Variants in CDH13 observed in about 807,000 individuals in gnomAD.
CDH13 encodes the protein cadherin 13.
A neutral mutation model predicts 63.8 loss-of-function variants in CDH13; 24 were observed. That is an observed-to-expected ratio of 0.38 (90% CI 0.27 to 0.53). The LOEUF is 0.53. CDH13 is among the 20% of genes least tolerant of loss of function. The probability of loss-of-function intolerance (pLI) is 0.85; values close to 1 mark genes in which losing one functional copy is unlikely to be tolerated. For synonymous variants in CDH13, 503 were observed against 355.3 expected (o/e 1.42, Z -4.67); for missense variants, 1,049 against 903.1 (o/e 1.16, Z -2.07).
chr16:82,821,575 G>C (rs1287148463), intron 1 of CDH13, among the ~76,000 whole-genome samples: 1 of 152,208 alleles, frequency 6.6e-6, no homozygotes, highest in African/African-American at 2.4e-5. Context: ...AAGTGGCACA[G>C]ACAGTCATGG....
At chr16:83,360,923 A>C (rs1265465926) in intron 6 of CDH13, among the ~76,000 whole-genome samples, 2 of 152,234 alleles carry the variant, frequency 1.3e-5, no homozygotes, top group African/African-American at 4.8e-5. Flanking sequence ...ATATGAGTGC[A>C]TGTGTCTTTT....
At chr16:83,006,043 T>A (rs1597393922) in intron 2 of CDH13, among the ~76,000 whole-genome samples, 2 of 152,208 alleles carry the variant, frequency 1.3e-5, no homozygotes, top group Non-Finnish European at 2.9e-5. Flanking sequence ...AGATTCACCA[T>A]TACATTTCAT....
chr16:82,936,806 G>C (rs1331383205), intron 2 of CDH13, among the ~76,000 whole-genome samples: 1 of 149,436 alleles, frequency 6.7e-6, no homozygotes, highest in African/African-American at 2.6e-5. Context: ...TCTTGTGTGC[G>C]TTTAGGGAAA....
intron 6 of CDH13, among the ~76,000 whole-genome samples, chr16:83,384,650 A>G (rs1210209444): frequency 2.0e-5 from 3 of 152,222 alleles, no homozygotes; most frequent in Non-Finnish European, 4.4e-5. Flanking sequence ...GCAGCATGGG[A>G]TCCGAGGGTA....
chr16:83,101,602 T>C (rs954030999), intron 3 of CDH13, among the ~76,000 whole-genome samples: 1 of 152,174 alleles, frequency 6.6e-6, no homozygotes, highest in East Asian at 1.9e-4. Flanking sequence ...GAGACCAGCC[T>C]GGCTAACATG....
chr16:83,759,355 G>A (rs1365530545), intron 11 of CDH13, among the ~76,000 whole-genome samples: 1 of 152,096 alleles, frequency 6.6e-6, no homozygotes, highest in Admixed American at 6.5e-5. Context: ...TTTTTAAAAT[G>A]CATCCTGACC....
intron 6 of CDH13, among the ~76,000 whole-genome samples, chr16:83,422,219 A>G (rs2071736283): frequency 6.6e-6 from 1 of 152,214 alleles, no homozygotes; most frequent in Non-Finnish European, 1.5e-5. Flanking sequence ...CGTAAGTTGT[A>G]CTGTATAAAA....
chr16:83,362,187 G>A (rs1005098409), intron 6 of CDH13, among the ~76,000 whole-genome samples: 31 of 152,088 alleles, frequency 2.0e-4, no homozygotes, highest in African/African-American at 7.5e-4. Flanking sequence ...AGGCTTTCAG[G>A]AGCCCACCAG....
chr16:82,668,525 T>C (rs943570100), intron 1 of CDH13, among the ~76,000 whole-genome samples: 1 of 152,168 alleles, frequency 6.6e-6, no homozygotes, highest in Admixed American at 6.5e-5. Context: ...TTTTTTGTTG[T>C]TGTTGTTTCT....
chr16:83,555,321 C>T (rs1036082045), intron 7 of CDH13, among the ~76,000 whole-genome samples: 2 of 152,174 alleles, frequency 1.3e-5, no homozygotes, highest in African/African-American at 4.8e-5. Context: ...ATTGAAAACA[C>T]CTGGAAGATT....
intron 2 of CDH13, among the ~76,000 whole-genome samples, chr16:82,958,301 G>A (rs566895110): frequency 1.3e-5 from 2 of 152,138 alleles, no homozygotes; most frequent in Middle Eastern, 3.2e-3. Flanking sequence ...CTGATATATC[G>A]TTCATGCTTG....
intron 6 of CDH13, among the ~76,000 whole-genome samples, chr16:83,356,254 G>GTA (rs1567613839): frequency 1.4e-4 from 21 of 149,360 alleles, no homozygotes; most frequent in African/African-American, 5.3e-4. Context: ...GTGTGTGTGT[G>GTA]TGTGTGTGTG....
intron 6 of CDH13, among the ~76,000 whole-genome samples, chr16:83,346,425 C>T (rs1026885411): frequency 1.3e-5 from 2 of 152,108 alleles, no homozygotes; most frequent in Non-Finnish European, 1.5e-5. Flanking sequence ...ATGAGGAAAG[C>T]GATTAAAGAG....
chr16:83,507,860 C>T (rs529617971), intron 7 of CDH13, among the ~76,000 whole-genome samples: 16 of 151,080 alleles, frequency 1.1e-4, no homozygotes, highest in African/African-American at 3.9e-4. Flanking sequence ...TAGTAAAACC[C>T]GTCTCTACTA....
At chr16:82,686,704 T>G (rs1279454345) in intron 1 of CDH13, among the ~76,000 whole-genome samples, 1 of 152,246 alleles carries the variant, frequency 6.6e-6, no homozygotes, top group Non-Finnish European at 1.5e-5. Context: ...CCTTTCTTCC[T>G]TCCGTTGACA....
intron 2 of CDH13, chr16:82,953,989 C>G (rs1268232283): frequency 1.3e-5 from 2 of 152,178 alleles, no homozygotes; most frequent in African/African-American, 2.4e-5. Context: ...TCAGGTTGGT[C>G]TCCTTCAGAA....
chr16:83,337,929 A>C (rs1387651567), intron 5 of CDH13, among the ~76,000 whole-genome samples: 1 of 152,054 alleles, frequency 6.6e-6, no homozygotes, highest in East Asian at 1.9e-4. Context: ...AAAGATAATG[A>C]AACAAAAAAA....
At chr16:83,093,091 C>T (rs565391895) in intron 3 of CDH13, among the ~76,000 whole-genome samples, 8 of 152,198 alleles carry the variant, frequency 5.3e-5, no homozygotes, top group Non-Finnish European at 1.0e-4. Flanking sequence ...AATTTCTAGA[C>T]TCACTCAACC....
chr16:83,209,360 T>A (rs998684919), intron 4 of CDH13, among the ~76,000 whole-genome samples: 3 of 152,138 alleles, frequency 2.0e-5, no homozygotes, highest in African/African-American at 7.2e-5. Context: ...ACTCCCAGAT[T>A]TCCTAGCTTG....
Sources: gnomAD v4.1 joint callset for allele counts (sites outside exome capture counted in the v4.1 genomes callset) on GRCh38, gnomAD v4.1.1 for gene constraint, MANE v1.5 for transcripts, NCBI Gene and HGNC (gene_info 2026-07-23, HGNC 2026-07-21) for gene names.